Variants in ALPK2 observed in about 807,000 individuals in gnomAD.
The protein encoded by ALPK2 is alpha-protein kinase 2.
ALPK2 carries 127 observed loss-of-function variants against 163.1 expected under a neutral mutation model. That is an observed-to-expected ratio of 0.78 (90% CI 0.67 to 0.90). The LOEUF is 0.90. Among genes scored for constraint, ALPK2 ranks in the 40% least tolerant of loss-of-function variants. The pLI is 0.00. For missense variants in ALPK2, 2,360 were observed against 2,589.6 expected (o/e 0.91, Z 1.92); for synonymous variants, 953 against 959.1 (o/e 0.99, Z 0.12).
chr18:58,500,249 A>C (rs1204963377), intron 11 of ALPK2, among the ~76,000 whole-genome samples: 1 of 127,974 alleles, frequency 7.8e-6, no homozygotes, highest in African/African-American at 2.8e-5. Context: ...AAAAAAAAAA[A>C]AAAAACCCAC....
Position 58,537,340 on chromosome 18 carries a change from C to A in ALPK2, c.2847G>T (p.Glu949Asp). 1 of 1,614,040 alleles carries A rather than the reference C, an allele frequency of 6.2e-7. No homozygotes were observed. The highest frequency in any genetic ancestry group is 8.5e-7 in the Non-Finnish European group (1 of 1,179,966). The change falls in exon 5 of 13, where the codon GAG becomes GAT. Residue 949 changes from glutamate (E) to aspartate (D), a missense_variant. By Grantham distance (45) the Glu-to-Asp change is conservative. Coordinates refer to ENST00000361673, the MANE Select transcript of ALPK2 (RefSeq NM_052947.4). ...CTTTAAATTGCACTAAAGGATTGTT[C>A]TCAGAAGAAAGGAGCTGTGTTTCAT... ...GLDETQLLSS[E>D]NNPLVQFKEG...
At chr18:58,613,878 T>C (rs2052150072) in intron 1 of ALPK2, among the ~76,000 whole-genome samples, 1 of 152,150 alleles carries the variant, frequency 6.6e-6, no homozygotes, top group Non-Finnish European at 1.5e-5. Context: ...GTGCTTTCTT[T>C]TGAGATCACT....
Position 58,537,829 on chromosome 18 carries a change from G to A in ALPK2, c.2358C>T (p.Leu786=), listed in dbSNP as rs545439816. 1.9e-6 allele frequency: 3 copies of A among 1,614,162 alleles called. No individual in the cohort carries two copies. Among genetic ancestry groups the A allele is most frequent in the Non-Finnish European group, 2.5e-6 (3 of 1,180,028 alleles). Residue 786 remains leucine, a synonymous_variant, in exon 5 of 13, where the codon CTC becomes CTT. Coordinates refer to ENST00000361673, the MANE Select transcript of ALPK2 (RefSeq NM_052947.4). ...VASPEPTDTA[L]TLENVCDEPR... Reference sequence around the variant, plus strand: ...GCTCATCACACACATTTTCCAGGGTGAGGGCAGTATCTGTGGGTTCAGGGG... The same window carrying A: ...GCTCATCACACACATTTTCCAGGGTAAGGGCAGTATCTGTGGGTTCAGGGG...
At position 58,578,740 on chromosome 18, in the gene ALPK2, A is replaced by ACACGCGCGCACGCGCGCGCGCG. The variant is rs757230132; in HGVS notation, c.1962+73_1962+74insCGCGCGCGCGCGTGCGCGCGTG. ...ATGTGAAGTAAAGGAAGAGACACAC[A>ACACGCGCGCACGCGCGCGCGCG]CACACACACACACACACACACACAC... On this transcript the variant is annotated intron_variant, in intron 4 of 12. Coordinates refer to ENST00000361673, the MANE Select transcript of ALPK2 (RefSeq NM_052947.4). The ACACGCGCGCACGCGCGCGCGCG allele has an allele frequency of 4.4e-5, 49 of 1,118,862 alleles. 2 individuals carry two copies. The highest frequency in any genetic ancestry group is 2.6e-4 in the Middle Eastern group (1 of 3,914). 69.3% of individuals were successfully genotyped at this position (1,118,862 alleles called of 1,614,324 possible). A position where few individuals can be genotyped will look rare whatever the true frequency, so the allele number is the denominator to read the frequency against.
intron 9 of ALPK2, among the ~76,000 whole-genome samples, chr18:58,516,381 G>A (rs546409611): frequency 2.6e-4 from 39 of 152,200 alleles, no homozygotes; most frequent in Non-Finnish European, 5.1e-4. Flanking sequence ...AGAGACTTGG[G>A]TCTGTCTCTC....
chr18:58,620,146 C>T (rs2052190687), intron 1 of ALPK2, among the ~76,000 whole-genome samples: 1 of 152,118 alleles, frequency 6.6e-6, no homozygotes, highest in African/African-American at 2.4e-5. Flanking sequence ...CAAAAATTAG[C>T]CGGGCATGGT....
In ALPK2 at chr18:58,604,431, G is replaced by T. The variant is rs116824958; in HGVS notation, c.227+2891C>A. Among the ~76,000 whole-genome samples the T allele has an allele frequency of 2.4e-3, 358 of 152,294 alleles. 1 individual carries two copies. The highest frequency in any genetic ancestry group is 8.3e-3 in the African/African-American group (343 of 41,548). ...GATGAATGCTTAGGACGTAGAGCGT[G>T]TCTCAGTTTCGGCAAAACACTGGAA... On this transcript the variant is annotated intron_variant, in intron 3 of 12. Transcript: ENST00000361673.
chr18:58,576,387 G>A (rs2051921887), intron 4 of ALPK2, among the ~76,000 whole-genome samples: 1 of 152,070 alleles, frequency 6.6e-6, no homozygotes, highest in Non-Finnish European at 1.5e-5. Flanking sequence ...AAGATAAAAG[G>A]AAAAAGAGTG....
rs1186286106 is a variant in ALPK2, at chr18:58,580,269, G to A, written c.507C>T (p.Asn169=). The A allele has an allele frequency of 6.2e-7, 1 of 1,614,208 alleles. No homozygotes were observed. The highest frequency in any genetic ancestry group is 8.5e-7 in the Non-Finnish European group (1 of 1,180,022). Residue 169 remains asparagine (N), a synonymous_variant, in exon 4 of 13, where the codon AAC becomes AAT. Coordinates refer to ENST00000361673, the MANE Select transcript of ALPK2 (RefSeq NM_052947.4). ...CCAATGACTGGAGGGAGAGTGAATG[G>A]TTGGATTTGGAGGGGGAGGAGTCAG... ...RSADSSPSKS[N]HSLSLQSLGN...
At chr18:58,521,071 G>A (rs570777836) in intron 8 of ALPK2, among the ~76,000 whole-genome samples, 1 of 152,312 alleles carries the variant, frequency 6.6e-6, no homozygotes, top group South Asian at 2.1e-4. Flanking sequence ...ACAAGGATAG[G>A]GAGGGGCCAG....
chr18:58,545,670 C>A (rs2051714108), intron 4 of ALPK2, among the ~76,000 whole-genome samples: 1 of 152,152 alleles, frequency 6.6e-6, no homozygotes. Context: ...TGCCAACATG[C>A]CCTACCATGC....
chr18:58,523,065 C>A (rs2051563945), intron 8 of ALPK2, among the ~76,000 whole-genome samples: 1 of 84,104 alleles, frequency 1.2e-5, no homozygotes, highest in African/African-American at 5.2e-5. Context: ...CCTCCCCCCT[C>A]CCCCCACCCC....
chr18:58,542,347 A>G (rs2144154096), intron 4 of ALPK2, among the ~76,000 whole-genome samples: 1 of 152,370 alleles, frequency 6.6e-6, no homozygotes, highest in East Asian at 1.9e-4. Context: ...TCTCTGTGAA[A>G]AAACAGCAGT....
chr18:58,580,370 T>C lies in ALPK2; in HGVS notation c.406A>G (p.Arg136Gly), dbSNP rs568136603. 3 of 1,614,178 alleles carry C rather than the reference T, an allele frequency of 1.9e-6. No homozygotes were observed. The highest frequency in any genetic ancestry group is 2.7e-5 in the African/African-American group (2 of 75,026). ...TCCTTCTCATCAATCTGATTTGCCC[T>C]TTCTTCTTCATGTGTCCCTGTTTCA... ...KHETGTHEEE[R>G]ANQIDEKEHP... Residue 136 changes from arginine (R) to glycine (G), a missense_variant, in exon 4 of 13, where the codon AGG becomes GGG. By Grantham distance (125) the Arg-to-Gly change is moderately radical (BLOSUM62 -2). Transcript: ENST00000361673.
intron 4 of ALPK2, among the ~76,000 whole-genome samples, chr18:58,545,862 G>A (rs1488226395): frequency 2.0e-5 from 3 of 152,058 alleles, no homozygotes; most frequent in Non-Finnish European, 4.4e-5. Flanking sequence ...AGCCATTCTG[G>A]GCTGTTGTAG....
chr18:58,494,400 A>G (rs1016347710), intron 12 of ALPK2, among the ~76,000 whole-genome samples: 31 of 152,338 alleles, frequency 2.0e-4, no homozygotes, highest in African/African-American at 6.7e-4. Flanking sequence ...GTAAAGTTGA[A>G]TTAAAATGAG....
chr18:58,578,733 G>GACACACACACGCGCGCGCGCGCACAC (rs777103869), intron 4 of ALPK2, 81 bp downstream of exon 4: 15,743 of 531,136 alleles, frequency 0.03, 320 homozygotes, highest in South Asian at 0.07. Context: ...TAAAGGAAGA[G>GACACACACACGCGCGCGCGCGCACAC]ACACACACAC....
intron 8 of ALPK2, among the ~76,000 whole-genome samples, chr18:58,521,878 C>T (rs1157643548): frequency 1.3e-5 from 2 of 152,054 alleles, no homozygotes; most frequent in Non-Finnish European, 2.9e-5. Context: ...CCACTCGCCT[C>T]GGCCTTCCAA....
intron 9 of ALPK2, 78 bp from the exon 10 acceptor site, chr18:58,515,159 A>G (rs2051514762): frequency 9.0e-7 from 1 of 1,116,738 alleles, no homozygotes. Flanking sequence ...ACTATTCAGG[A>G]GATTTCCCAG....
Sources: gnomAD v4.1 joint callset for allele counts (sites outside exome capture counted in the v4.1 genomes callset) on GRCh38, gnomAD v4.1.1 for gene constraint, MANE v1.5 for transcripts, NCBI Gene and HGNC (gene_info 2026-07-23, HGNC 2026-07-21) for gene names.